Variants in RAB3IL1 observed in about 807,000 individuals in gnomAD.
RAB3IL1 encodes the protein RAB3A interacting protein like 1, also known as guanine nucleotide exchange factor for Rab-3A.
RAB3IL1 carries 37 observed loss-of-function variants against 49.2 expected under a neutral mutation model. That is an observed-to-expected ratio of 0.75 (90% confidence interval 0.58 to 0.99). The LOEUF (loss-of-function observed/expected upper bound fraction) is 0.99, where lower values mean the gene tolerates loss of function less well. RAB3IL1 is among the 50% of genes least tolerant of loss of function. RAB3IL1 has a pLI of 0.00. For synonymous variants in RAB3IL1, 193 were observed against 213.9 expected (o/e 0.90, Z 0.85); for missense variants, 484 against 513.0 (o/e 0.94, Z 0.55).
At chr11:61,937,573 G>T in the RAB3IL1 span, among the ~76,000 whole-genome samples, 1 of 151,944 alleles carries the variant, frequency 6.6e-6, no homozygotes, top group Non-Finnish European at 1.5e-5. Context: ...CTCCCAAAGT[G>T]GTAGGGCTTG....
rs1939169453 is a variant in RAB3IL1, at chr11:61,906,103, A to G, written c.657+363T>C. On this transcript the variant is annotated intron_variant, in intron 5 of 9. Coordinates refer to ENST00000394836, the MANE Select transcript of RAB3IL1 (RefSeq NM_013401.4). This position sits in a 1 kb window ranked among gnomAD's most constrained non-coding sequence, Gnocchi z 4.6. ...CGGGGTCCAGGCAGCCTCTCCCCTG[A>G]GGCCCAGTGGCTGCTGCTTGGCCTC... 6.6e-6 allele frequency among the ~76,000 whole-genome samples: 1 copy of G among 152,038 alleles called. No individual in the cohort carries two copies. The highest frequency in any genetic ancestry group is 1.5e-5 in the Non-Finnish European group (1 of 67,998).
rs1456711932 is a variant in RAB3IL1 at position 61,908,080 on chromosome 11, T to C, written c.238A>G (p.Lys80Glu). The change falls in exon 2 of 10, where the codon AAG becomes GAG. Residue 80 changes from lysine to glutamate, a missense_variant. By Grantham distance (56) the Lys-to-Glu change is moderately conservative. Coordinates refer to ENST00000394836, the MANE Select transcript of RAB3IL1 (RefSeq NM_013401.4). ...EIREKGSEFL[K>E]EELHRAQKEL... Reference sequence around the variant, plus strand: ...TTCTGCGCTCTGTGCAGCTCCTCCTTCAGGAACTCGGAGCCCTTCTCTCGG... The same window carrying C: ...TTCTGCGCTCTGTGCAGCTCCTCCTCCAGGAACTCGGAGCCCTTCTCTCGG... 5.0e-6 allele frequency: 8 copies of C among 1,611,164 alleles called. No homozygotes were observed. The Admixed American group carries it at 6.7e-5, about 13-fold the overall frequency.
rs747988245 is a variant in RAB3IL1 at position 61,898,850 on chromosome 11, T to G, written c.1066+464A>C. 4.3e-6 allele frequency: 2 copies of G among 467,128 alleles called. No individual in the cohort carries two copies. Among genetic ancestry groups the G allele is most frequent in the Non-Finnish European group, 8.5e-6 (2 of 234,814 alleles). 28.9% of individuals were successfully genotyped at this position (467,128 alleles called of 1,614,324 possible). On this transcript the variant is annotated intron_variant, in intron 9 of 9. Transcript: ENST00000394836. The surrounding 1 kb of genome is among the most constrained non-coding windows in gnomAD (Gnocchi z 5.1). Reference sequence around the variant, plus strand: ...AGGAGATAGCTCCTTACTCAGAGGGTCGGGCCAGACTGGTTCAGGAGAAGA... The same window carrying G: ...AGGAGATAGCTCCTTACTCAGAGGGGCGGGCCAGACTGGTTCAGGAGAAGA...
At chr11:61,926,636 C>T in the RAB3IL1 span, among the ~76,000 whole-genome samples, 1 of 152,188 alleles carries the variant, frequency 6.6e-6, no homozygotes, top group Non-Finnish European at 1.5e-5. Context: ...TCACTGCAAC[C>T]TCTGCCTCCT....
At chr11:61,929,435 G>A in the RAB3IL1 span, among the ~76,000 whole-genome samples, 1 of 131,456 alleles carries the variant, frequency 7.6e-6, no homozygotes, top group African/African-American at 2.5e-5. Context: ...AACCCAGAAG[G>A]CAGAGGTGCA....
the RAB3IL1 span, among the ~76,000 whole-genome samples, chr11:61,942,080 G>A: frequency 2.6e-5 from 4 of 151,882 alleles, no homozygotes; most frequent in South Asian, 2.1e-4. Flanking sequence ...ACATGGTGGC[G>A]TGCTCCTGTA....
At chr11:61,945,857 T>C in the RAB3IL1 span, 26 of 961,080 alleles carry the variant, frequency 2.7e-5, no homozygotes, top group Non-Finnish European at 2.8e-5. Flanking sequence ...TTGGTCCAGC[T>C]CTGGTCTATT....
upstream of RAB3IL1, among the ~76,000 whole-genome samples, chr11:61,922,287 G>A (rs769913401): frequency 6.6e-6 from 1 of 152,110 alleles, no homozygotes; most frequent in Non-Finnish European, 1.5e-5. Context: ...TTAGGAGGCC[G>A]AGGCGAGTGG....
At chr11:61,930,478 A>G in the RAB3IL1 span, among the ~76,000 whole-genome samples, 1 of 152,242 alleles carries the variant, frequency 6.6e-6, no homozygotes, top group Non-Finnish European at 1.5e-5. Flanking sequence ...GTATTTCTGC[A>G]TTAATAACCA....
upstream of RAB3IL1, among the ~76,000 whole-genome samples, chr11:61,923,978 C>T (rs574340401): frequency 3.9e-5 from 6 of 151,986 alleles, no homozygotes; most frequent in Non-Finnish European, 8.8e-5. Context: ...CAGGACAGAG[C>T]GTGTGGAGGC....
intron 1 of RAB3IL1, among the ~76,000 whole-genome samples, chr11:61,913,257 G>A (rs540560878): frequency 6.6e-6 from 1 of 152,180 alleles, no homozygotes; most frequent in Non-Finnish European, 1.5e-5. Context: ...GGGGATGAAA[G>A]AGATCGTCAT....
At chr11:61,902,584 G>A (rs1487856014) in intron 7 of RAB3IL1, 43 bp from the exon 8 acceptor site, 1 of 1,521,578 alleles carries the variant, frequency 6.6e-7, no homozygotes, top group Non-Finnish European at 8.9e-7. Flanking sequence ...GCTGGGGCTT[G>A]CCCCTCTCCC....
At chr11:61,942,560 C>T in the RAB3IL1 span, among the ~76,000 whole-genome samples, 1 of 152,178 alleles carries the variant, frequency 6.6e-6, no homozygotes, top group Admixed American at 6.5e-5. Flanking sequence ...ATGCATGAAC[C>T]ACTGCACCTG....
chr11:61,898,233 G>T lies in RAB3IL1; in HGVS notation c.*45C>A, dbSNP rs554273759. The T allele has an allele frequency of 6.4e-7, 1 of 1,563,294 alleles. No homozygotes were observed. The highest frequency in any genetic ancestry group is 8.8e-7 in the Non-Finnish European group (1 of 1,140,866). On this transcript the variant is annotated 3_prime_UTR_variant, in exon 10 of 10. Transcript: ENST00000394836. The surrounding 1 kb of genome is among the most constrained non-coding windows in gnomAD (Gnocchi z 5.1). Reference sequence around the variant, plus strand: ...TGTGTGTCGGCTTGTTCTGGGGTGGGTGTTTGCTCTGTCTCAGAGCTCCCC... The same window carrying T: ...TGTGTGTCGGCTTGTTCTGGGGTGGTTGTTTGCTCTGTCTCAGAGCTCCCC...
At chr11:61,930,768 C>A in the RAB3IL1 span, among the ~76,000 whole-genome samples, 2 of 152,190 alleles carry the variant, frequency 1.3e-5, no homozygotes, top group East Asian at 1.9e-4. Context: ...CACAGCAAGA[C>A]CCTGTCTTAA....
intron 1 of RAB3IL1, among the ~76,000 whole-genome samples, chr11:61,916,415 T>TG (rs1402003890): frequency 2.0e-4 from 31 of 151,712 alleles, no homozygotes; most frequent in African/African-American, 7.5e-4. Flanking sequence ...CCACACCCCC[T>TG]GCTGGGGATG....
chr11:61,907,789 G>A (rs1371851443), intron 2 of RAB3IL1, 129 bp from the exon 3 acceptor site: 2 of 934,322 alleles, frequency 2.1e-6, no homozygotes, highest in Non-Finnish European at 3.2e-6. Flanking sequence ...ATTTCCTCTG[G>A]TGCCTGACAG....
At chr11:61,915,528 CAG>C (rs1165590083) in intron 1 of RAB3IL1, among the ~76,000 whole-genome samples, 2 of 152,156 alleles carry the variant, frequency 1.3e-5, no homozygotes, top group African/African-American at 4.8e-5. Context: ...GCAACTAACT[CAG>C]GGGCTGTGTT....
the RAB3IL1 span, among the ~76,000 whole-genome samples, chr11:61,940,779 G>C: frequency 6.6e-6 from 1 of 152,098 alleles, no homozygotes. Flanking sequence ...AATTAGCGGG[G>C]CATGGTGGCA....
Sources: gnomAD v4.1 joint callset for allele counts (sites outside exome capture counted in the v4.1 genomes callset) on GRCh38, gnomAD v4.1.1 for gene constraint, Gnocchi (gnomAD v3.1) non-coding constraint, MANE v1.5 for transcripts, NCBI Gene and HGNC (gene_info 2026-07-23, HGNC 2026-07-21) for gene names.